ITPR2: variants seen among roughly 807,000 people sequenced by gnomAD.
ITPR2 encodes the protein inositol 1,4,5-trisphosphate-gated calcium channel ITPR2.
ITPR2 carries 207 observed loss-of-function variants against 317.1 expected under a neutral mutation model. That is an observed-to-expected ratio of 0.65 (90% CI 0.58 to 0.73). The LOEUF (loss-of-function observed/expected upper bound fraction) is 0.73. ITPR2 is among the 30% of genes least tolerant of loss of function. ITPR2 has a pLI of 0.00. For synonymous variants in ITPR2, 1,156 were observed against 1,149.1 expected (o/e 1.01, Z -0.12); for missense variants, 2,613 against 3,284.0 (o/e 0.80, Z 4.99).
rs779795826 is a variant in ITPR2, at chr12:26,744,725, A to T, written c.164-18960T>A. 1.8e-4 allele frequency among the ~76,000 whole-genome samples: 28 copies of T among 152,232 alleles called. 1 individual carries two copies. Among genetic ancestry groups the T allele is most frequent in the Non-Finnish European group, 3.1e-4 (21 of 68,044 alleles). The stretch of plus-strand genomic sequence containing the variant: ...ATGTGGATTATTTTGGATCGCAAAC[A>T]GGAAGTAGAGAACACAGTCATAGCA... On this transcript the variant is annotated intron_variant, in intron 2 of 56. Transcript: ENST00000381340.
chr12:26,786,562 G>C (rs555020196), intron 2 of ITPR2, among the ~76,000 whole-genome samples: 20 of 151,012 alleles, frequency 1.3e-4, no homozygotes, highest in Non-Finnish European at 2.4e-4. Flanking sequence ...GGTTTCTATC[G>C]AAAAATGGCT....
At chr12:26,380,388 G>A (rs1356212216) in intron 55 of ITPR2, among the ~76,000 whole-genome samples, 9 of 152,216 alleles carry the variant, frequency 5.9e-5, no homozygotes, top group African/African-American at 1.9e-4. Flanking sequence ...ATCCAGAGAG[G>A]GGCATTTTAA....
chr12:26,433,732 G>A (rs12371646), intron 48 of ITPR2, among the ~76,000 whole-genome samples: 54,618 of 151,996 alleles, frequency 0.36, 12,163 homozygotes, highest in Non-Finnish European at 0.5. Flanking sequence ...ACGACCCAGG[G>A]AATTCTGAGT....
intron 45 of ITPR2, among the ~76,000 whole-genome samples, chr12:26,458,404 G>C (rs1449118286): frequency 6.6e-6 from 1 of 152,158 alleles, no homozygotes; most frequent in Non-Finnish European, 1.5e-5. Flanking sequence ...CTGCAACATA[G>C]CACACTCAGA....
chr12:26,476,225 G>A (rs144111363), intron 44 of ITPR2, among the ~76,000 whole-genome samples: 12 of 152,262 alleles, frequency 7.9e-5, no homozygotes, highest in African/African-American at 1.9e-4. Flanking sequence ...CCAGACTTTC[G>A]TAGGAGTTGC....
At chr12:26,525,699 C>A (rs1395501208) in intron 37 of ITPR2, among the ~76,000 whole-genome samples, 3 of 152,212 alleles carry the variant, frequency 2.0e-5, no homozygotes, top group African/African-American at 4.8e-5. Flanking sequence ...CAAACCACAT[C>A]CTGAACAAAA....
intron 55 of ITPR2, among the ~76,000 whole-genome samples, chr12:26,375,108 C>T (rs1223951914): frequency 6.6e-6 from 1 of 152,154 alleles, no homozygotes; most frequent in Non-Finnish European, 1.5e-5. Context: ...ATCTGTTACT[C>T]CCTGGAAGAA....
chr12:26,772,431 A>ATT (rs1555189167), intron 2 of ITPR2, among the ~76,000 whole-genome samples: 1 of 126,936 alleles, frequency 7.9e-6, no homozygotes, highest in Admixed American at 8.6e-5. Flanking sequence ...TATTATATAT[A>ATT]ATACATGTAT....
At chr12:26,633,926 C>T (rs1434282794) in intron 21 of ITPR2, among the ~76,000 whole-genome samples, 3 of 152,210 alleles carry the variant, frequency 2.0e-5, no homozygotes, top group Non-Finnish European at 4.4e-5. Flanking sequence ...GGAAAATAAT[C>T]CTTTAATCCA....
chr12:26,456,798 G>T (rs980637889), intron 45 of ITPR2, among the ~76,000 whole-genome samples: 1 of 152,048 alleles, frequency 6.6e-6, no homozygotes, highest in Non-Finnish European at 1.5e-5. Context: ...TCAGCCTCTC[G>T]AGTAGCTGGG....
intron 49 of ITPR2, among the ~76,000 whole-genome samples, chr12:26,424,227 C>G (rs191999361): frequency 9.2e-5 from 14 of 152,292 alleles, no homozygotes; most frequent in African/African-American, 3.4e-4. Context: ...TTTCAACTAT[C>G]CTAGCGAAGA....
chr12:26,682,862 G>A (rs1485321044), intron 11 of ITPR2, among the ~76,000 whole-genome samples, 189 bp from the exon 12 acceptor site: 3 of 152,188 alleles, frequency 2.0e-5, no homozygotes, highest in South Asian at 2.1e-4. Context: ...TTTTTACCTA[G>A]GTAGTAGTTC....
intron 2 of ITPR2, among the ~76,000 whole-genome samples, chr12:26,755,987 T>TA (rs1405599277): frequency 2.6e-5 from 4 of 152,144 alleles, no homozygotes; most frequent in African/African-American, 9.7e-5. Flanking sequence ...GGCTCAGCTC[T>TA]AAAAAAGTCT....
intron 54 of ITPR2, among the ~76,000 whole-genome samples, chr12:26,394,827 T>C (rs1939947028): frequency 6.6e-6 from 1 of 151,752 alleles, no homozygotes; most frequent in Non-Finnish European, 1.5e-5. Flanking sequence ...GTGGGTGAGA[T>C]TGTGAAGGTG....
chr12:26,668,466 T>C (rs921807278), intron 13 of ITPR2, among the ~76,000 whole-genome samples: 1 of 152,154 alleles, frequency 6.6e-6, no homozygotes, highest in African/African-American at 2.4e-5. Flanking sequence ...CGATATCAGA[T>C]CTGGCTCTGG....
At chr12:26,593,027 G>A (rs1177932907) in intron 32 of ITPR2, among the ~76,000 whole-genome samples, 1 of 152,162 alleles carries the variant, frequency 6.6e-6, no homozygotes, top group East Asian at 1.9e-4. Context: ...TTACAAATCA[G>A]GAAACTCAGG....
chr12:26,737,708 C>T (rs1008977592), intron 2 of ITPR2, among the ~76,000 whole-genome samples: 5 of 152,076 alleles, frequency 3.3e-5, no homozygotes, highest in Non-Finnish European at 7.4e-5. Context: ...TTACAGAAAC[C>T]GGAAATTTCA....
chr12:26,406,665 T>G (rs528069337), intron 52 of ITPR2: 3 of 152,118 alleles, frequency 2.0e-5, no homozygotes, highest in Non-Finnish European at 4.4e-5. Context: ...GGATGCACAC[T>G]AGGGTTTGCA....
Position 26,600,028 on chromosome 12 carries a change from C to G in ITPR2, c.3760G>C (p.Val1254Leu). The G allele has an allele frequency of 6.2e-7, 1 of 1,607,192 alleles. No individual in the cohort carries two copies. The part of the protein sequence containing the change: ...NFCRGNPQNQ[V>L]LLHKHLNLFL... ...AAATTCAGATGTTTATGAAGAAGAACTTGATTCTGTGGATTTCCTCGACAG... is the reference window on the plus strand; with the variant it reads ...AAATTCAGATGTTTATGAAGAAGAAGTTGATTCTGTGGATTTCCTCGACAG... Residue 1254 changes from valine (V) to leucine (L), a missense_variant, in exon 29 of 57, where the codon GTT becomes CTT. Val to Leu is a conservative substitution (Grantham distance 32). Around this residue, in one of 9 missense-constraint regions of ITPR2, gnomAD observed 817 missense variants for 897.6 expected, o/e 0.91. Coordinates refer to ENST00000381340, the MANE Select transcript of ITPR2 (RefSeq NM_002223.4).
Sources: allele counts gnomAD v4.1 joint callset (sites outside exome capture counted in the v4.1 genomes callset), GRCh38; gene constraint gnomAD v4.1.1; regional missense constraint gnomAD v4.1.1; transcripts MANE v1.5; gene names NCBI Gene and HGNC (gene_info 2026-07-23, HGNC 2026-07-21).